Variants in UPK1B observed in about 807,000 individuals in gnomAD.
UPK1B encodes the protein uroplakin 1B.
In UPK1B, 28 loss-of-function variants were observed where a neutral mutation model predicts 34.2. The ratio of observed to expected loss-of-function variants is 0.82; its 90% CI spans 0.61 to 1.12. The LOEUF is 1.12. UPK1B is among the 50% of genes most tolerant of loss of function. The probability of loss-of-function intolerance (pLI) is 0.00; values close to 1 mark genes in which losing one functional copy is unlikely to be tolerated. For synonymous variants in UPK1B, 81 were observed against 110.4 expected (o/e 0.73, Z 1.67); for missense variants, 325 against 320.9 (o/e 1.01, Z -0.10).
chr3:119,177,258 G>A (rs568494423), intron 1 of UPK1B, among the ~76,000 whole-genome samples: 1 of 152,280 alleles, frequency 6.6e-6, no homozygotes, highest in South Asian at 2.1e-4. Flanking sequence ...GGCTTATCTT[G>A]TAGTGAGTCT....
chr3:119,186,190 C>A (rs2078018776), intron 1 of UPK1B, among the ~76,000 whole-genome samples: 1 of 152,218 alleles, frequency 6.6e-6, no homozygotes, highest in Non-Finnish European at 1.5e-5. Context: ...TTCACTTACC[C>A]TCATATACAA....
intron 1 of UPK1B, among the ~76,000 whole-genome samples, chr3:119,180,565 G>A (rs149734066): frequency 6.6e-6 from 1 of 152,216 alleles, no homozygotes; most frequent in African/African-American, 2.4e-5. Context: ...AAGCCCTAGA[G>A]AACACCACAG....
intron 6 of UPK1B, among the ~76,000 whole-genome samples, chr3:119,197,232 T>G (rs2078071473): frequency 6.6e-6 from 1 of 152,238 alleles, no homozygotes; most frequent in Non-Finnish European, 1.5e-5. Context: ...TTATGGTTTA[T>G]GTGACTCAGA....
chr3:119,191,155 G>A, intron 5 of UPK1B, 51 bp downstream of exon 5: 1 of 1,603,750 alleles, frequency 6.2e-7, no homozygotes, highest in Non-Finnish European at 8.5e-7. Context: ...TGGTGGGAGT[G>A]GGTGTCATAC....
At chr3:119,194,022 T>G (rs146425009) in intron 5 of UPK1B, among the ~76,000 whole-genome samples, 197 bp from the exon 6 acceptor site, 39 of 152,364 alleles carry the variant, frequency 2.6e-4, no homozygotes, top group African/African-American at 9.4e-4. Context: ...AAGTAGGAAG[T>G]GTAAAAATTC....
intron 1 of UPK1B, among the ~76,000 whole-genome samples, chr3:119,179,382 T>TATATATAGATATAG (rs1559900029): frequency 1.2e-5 from 1 of 82,952 alleles, no homozygotes; most frequent in African/African-American, 4.8e-5. Flanking sequence ...TATATATATA[T>TATATATAGATATAG]ATATATATAT....
chr3:119,183,542 G>A (rs1232754434), intron 1 of UPK1B, among the ~76,000 whole-genome samples: 1 of 152,162 alleles, frequency 6.6e-6, no homozygotes, highest in African/African-American at 2.4e-5. Context: ...GATTACAGGC[G>A]TGAACCACCA....
chr3:119,187,971 T>C lies in UPK1B; in HGVS notation c.266T>C (p.Leu89Pro). 6.2e-7 allele frequency: 1 copy of C among 1,614,208 alleles called. No homozygotes were observed. Among genetic ancestry groups the C allele is most frequent in the Non-Finnish European group, 8.5e-7 (1 of 1,180,026 alleles). ...GIMKSSRKILLAYFILMFIVY... is the reference protein window; with the variant it reads ...GIMKSSRKILPAYFILMFIVY... ...ATGAAGTCCAGCAGGAAAATTCTTCTGGCGGTAAGACCTCAAAATTCTCTG... is the reference window on the plus strand; with the variant it reads ...ATGAAGTCCAGCAGGAAAATTCTTCCGGCGGTAAGACCTCAAAATTCTCTG... The change falls in exon 3 of 8, where the codon CTG (leucine) becomes CCG (proline). Residue 89 changes from leucine (L) to proline (P), a missense_variant. Leu to Pro is a moderately conservative substitution (Grantham distance 98, BLOSUM62 -3). Transcript: ENST00000264234.
In UPK1B at chr3:119,204,805, CAG is replaced by C. The variant is rs2078112409; in HGVS notation, c.*841_*842del. 6.6e-6 allele frequency: 1 copy of C among 152,264 alleles called. No homozygotes were observed. The highest frequency in any genetic ancestry group is 2.4e-5 in the African/African-American group (1 of 41,442). 9.4% of individuals were successfully genotyped at this position (152,264 alleles called of 1,614,324 possible). A position where few individuals can be genotyped will look rare whatever the true frequency, so the allele number is the denominator to read the frequency against. ...GCAGGAGAATCACTTGACCGGGAGA[CAG>C]AGGTTGCAGTGAGCTGAGATCGTAC... On this transcript the variant is annotated 3_prime_UTR_variant, in exon 8 of 8. Coordinates refer to ENST00000264234, the MANE Select transcript of UPK1B (RefSeq NM_006952.4).
chr3:119,192,283 A>G (rs2078048159), intron 5 of UPK1B, among the ~76,000 whole-genome samples: 2 of 151,844 alleles, frequency 1.3e-5, no homozygotes. Flanking sequence ...TGCCTAACCC[A>G]TATTCAGGTC....
chr3:119,204,673 T>C lies in UPK1B; in HGVS notation c.*706T>C, dbSNP rs2078111192. On this transcript the variant is annotated 3_prime_UTR_variant, in exon 8 of 8. Coordinates refer to ENST00000264234, the MANE Select transcript of UPK1B (RefSeq NM_006952.4). ...GGGCAGATCACCTGAGGTCAGGAGT[T>C]CAAGACCAGCCTGGCCAACATGGTG... 6.6e-6 allele frequency: 1 copy of C among 152,148 alleles called. No homozygotes were observed. The highest frequency in any genetic ancestry group is 2.4e-5 in the African/African-American group (1 of 41,420). 9.4% of individuals were successfully genotyped at this position (152,148 alleles called of 1,614,324 possible).
intron 7 of UPK1B, among the ~76,000 whole-genome samples, chr3:119,200,134 T>C (rs1368160623): frequency 1.3e-5 from 2 of 152,170 alleles, no homozygotes; most frequent in African/African-American, 4.8e-5. Context: ...GCATCCTTCA[T>C]ATAGACATGT....
Position 119,176,239 on chromosome 3 carries a change from T to C in UPK1B, c.-29+2601T>C, listed in dbSNP as rs558732016. 3.3e-5 allele frequency: 5 copies of C among 152,370 alleles called. No individual in the cohort carries two copies. In the East Asian group the frequency reaches 9.6e-4, roughly 29 times the overall value. 9.4% of individuals were successfully genotyped at this position (152,370 alleles called of 1,614,324 possible). On this transcript the variant is annotated intron_variant, in intron 1 of 7. Transcript: ENST00000264234. Reference sequence around the variant, plus strand: ...TAAAGTTTGAGGTGTGGTTTGTGTGTTCTCTGGTACAACAAACTTGGGTGA... The same window carrying C: ...TAAAGTTTGAGGTGTGGTTTGTGTGCTCTCTGGTACAACAAACTTGGGTGA...
intron 6 of UPK1B, among the ~76,000 whole-genome samples, chr3:119,195,253 G>T (rs1033126623): frequency 2.0e-5 from 3 of 152,188 alleles, no homozygotes; most frequent in Non-Finnish European, 2.9e-5. Context: ...GAACCTCCAG[G>T]TACTTGTAGT....
rs112540436 is a variant in UPK1B at position 119,177,888 on chromosome 3, G to T, written c.-29+4250G>T. On this transcript the variant is annotated intron_variant, in intron 1 of 7. Coordinates refer to ENST00000264234, the MANE Select transcript of UPK1B (RefSeq NM_006952.4). ...CCACAATGGTTTCAGCTTCCCTGGA[G>T]AGCTATTTGCTATAGGCAGAGAGAG... Among the ~76,000 whole-genome samples the T allele has an allele frequency of 3.5e-3, 529 of 152,328 alleles. 1 individual carries two copies. Among genetic ancestry groups the T allele is most frequent in the African/African-American group, 0.012 (493 of 41,572 alleles).
intron 2 of UPK1B, 106 bp downstream of exon 2, chr3:119,186,916 T>C: frequency 3.4e-6 from 4 of 1,182,652 alleles, no homozygotes; most frequent in Non-Finnish European, 4.8e-6. Context: ...ATTACTGGCT[T>C]CCTATATTTT....
Position 119,189,590 on chromosome 3 carries a change from C to A in UPK1B, c.271-655C>A, listed in dbSNP as rs144001787. On this transcript the variant is annotated intron_variant, in intron 3 of 7. Transcript: ENST00000264234. ...GCACACACACCACCACTACCACACA[C>A]AGCAAATGCCATTTCACTCAACTGA... Among the ~76,000 whole-genome samples, 618 of 152,380 alleles carry A rather than the reference C, an allele frequency of 4.1e-3. 4 individuals are homozygous for A. The highest frequency in any genetic ancestry group is 6.0e-3 in the Non-Finnish European group (406 of 68,036).
chr3:119,186,586 T>C, intron 1 of UPK1B, 128 bp from the exon 2 acceptor site: 1 of 649,436 alleles, frequency 1.5e-6, no homozygotes, highest in Non-Finnish European at 2.7e-6. Flanking sequence ...AATAATCAAA[T>C]GTCCTTCATC....
At chr3:119,203,340 C>CAAAAAAAAAAAA (rs55752613) in intron 7 of UPK1B, among the ~76,000 whole-genome samples, 1 of 62,014 alleles carries the variant, frequency 1.6e-5, no homozygotes. Context: ...AACTCCGTCT[C>CAAAAAAAAAAAA]AAAAAAAAAA....
Sources: allele counts gnomAD v4.1 joint callset (sites outside exome capture counted in the v4.1 genomes callset), GRCh38; gene constraint gnomAD v4.1.1; transcripts MANE v1.5; gene names NCBI Gene and HGNC (gene_info 2026-07-23, HGNC 2026-07-21).